The following PTPN14 variants were observed in gnomAD, a reference collection of about 807,000 sequenced individuals.
The protein encoded by PTPN14 is protein tyrosine phosphatase non-receptor type 14.
In PTPN14, 53 loss-of-function variants were observed where a neutral mutation model predicts 126.8. That is an observed-to-expected ratio of 0.42 (90% CI 0.34 to 0.53). PTPN14 has a LOEUF of 0.53. Among genes scored for constraint, PTPN14 ranks in the 20% least tolerant of loss-of-function variants. The probability of loss-of-function intolerance (pLI) is 0.08; values close to 1 mark genes in which losing one functional copy is unlikely to be tolerated. For missense variants in PTPN14, 1,257 were observed against 1,552.9 expected (o/e 0.81, Z 3.20); for synonymous variants, 630 against 599.3 (o/e 1.05, Z -0.75).
intron 3 of PTPN14, among the ~76,000 whole-genome samples, chr1:214,426,631 G>A (rs1659670456): frequency 6.6e-6 from 1 of 152,122 alleles, no homozygotes; most frequent in African/African-American, 2.4e-5. Context: ...TTGCCAAGCA[G>A]AGAACTATAA....
At chr1:214,499,565 T>C (rs753036375) in intron 1 of PTPN14, among the ~76,000 whole-genome samples, 14 of 152,214 alleles carry the variant, frequency 9.2e-5, no homozygotes, top group Admixed American at 5.9e-4. Context: ...CTTTCAGCCA[T>C]TCAAACAAAA....
At chr1:214,503,006 A>G (rs1230756740) in intron 1 of PTPN14, among the ~76,000 whole-genome samples, 1 of 152,228 alleles carries the variant, frequency 6.6e-6, no homozygotes, top group Non-Finnish European at 1.5e-5. Context: ...ACAAAAGTTG[A>G]CAAAGTATCT....
chr1:214,549,313 G>A (rs930846650), intron 1 of PTPN14, among the ~76,000 whole-genome samples: 1 of 152,136 alleles, frequency 6.6e-6, no homozygotes, highest in Admixed American at 6.5e-5. Context: ...GCTGAATCCT[G>A]GGCCATTAGT....
At chr1:214,361,538 C>G (rs1657956140) in intron 18 of PTPN14, among the ~76,000 whole-genome samples, 1 of 152,230 alleles carries the variant, frequency 6.6e-6, no homozygotes, top group African/African-American at 2.4e-5. Context: ...GCCAAGGAAG[C>G]ACAAAGCAGT....
intron 5 of PTPN14, among the ~76,000 whole-genome samples, chr1:214,406,882 G>C (rs1285661879): frequency 1.3e-5 from 2 of 152,038 alleles, no homozygotes; most frequent in Non-Finnish European, 2.9e-5. Context: ...CTTCCTAAAG[G>C]CAACGTAATA....
intron 1 of PTPN14, among the ~76,000 whole-genome samples, chr1:214,526,447 A>T (rs73079704): frequency 6.6e-6 from 1 of 152,154 alleles, no homozygotes; most frequent in Non-Finnish European, 1.5e-5. Flanking sequence ...AATATATTCA[A>T]TTGCCAATAA....
intron 17 of PTPN14, 53 bp downstream of exon 17, chr1:214,369,404 G>A: frequency 6.6e-7 from 1 of 1,517,440 alleles, no homozygotes; most frequent in Non-Finnish European, 9.1e-7. Flanking sequence ...ATGAATTATT[G>A]ACACAGATCA....
intron 8 of PTPN14, among the ~76,000 whole-genome samples, chr1:214,397,107 TAGAAAACTGTCTCA>T (rs1422894161): frequency 6.6e-6 from 1 of 152,174 alleles, no homozygotes; most frequent in African/African-American, 2.4e-5. Flanking sequence ...AGCTTTTGGT[TAGAAAACTGTCTCA>T]AAATGACCTG....
At chr1:214,442,728 C>T (rs1660060876) in intron 3 of PTPN14, among the ~76,000 whole-genome samples, 2 of 152,038 alleles carry the variant, frequency 1.3e-5, no homozygotes, top group African/African-American at 4.8e-5. Flanking sequence ...AAGTTAACTT[C>T]GGCTAAGTTA....
At chr1:214,419,049 G>A (rs149569176) in intron 3 of PTPN14, among the ~76,000 whole-genome samples, 7 of 152,096 alleles carry the variant, frequency 4.6e-5, no homozygotes, top group African/African-American at 7.2e-5. Context: ...GCAATTCATC[G>A]TCAGTATCAC....
intron 3 of PTPN14, among the ~76,000 whole-genome samples, chr1:214,433,443 G>A (rs1659838343): frequency 6.6e-6 from 1 of 151,912 alleles, no homozygotes; most frequent in Non-Finnish European, 1.5e-5. Context: ...ATAGAAAAAT[G>A]GGATATTTAA....
intron 6 of PTPN14, among the ~76,000 whole-genome samples, chr1:214,402,124 A>T (rs1034175971): frequency 4.6e-5 from 7 of 151,658 alleles, no homozygotes; most frequent in Non-Finnish European, 8.8e-5. Context: ...AAAAAAAAGG[A>T]AAAAGTTTAT....
At chr1:214,471,789 A>G (rs1481381234) in intron 1 of PTPN14, among the ~76,000 whole-genome samples, 1 of 152,210 alleles carries the variant, frequency 6.6e-6, no homozygotes, top group Non-Finnish European at 1.5e-5. Context: ...TAAAGGAGAG[A>G]ATCTTAGACT....
At chr1:214,502,461 T>C (rs966593271) in intron 1 of PTPN14, among the ~76,000 whole-genome samples, 1 of 152,196 alleles carries the variant, frequency 6.6e-6, no homozygotes, top group Admixed American at 6.5e-5. Context: ...GAAAAACATA[T>C]GCAAATAGTG....
chr1:214,376,967 C>T (rs1488007739), intron 14 of PTPN14, among the ~76,000 whole-genome samples: 3 of 152,160 alleles, frequency 2.0e-5, no homozygotes, highest in African/African-American at 7.2e-5. Context: ...AATCGAACAC[C>T]CTGGTGTTAT....
At chr1:214,358,507 C>G (rs1213535444) in intron 18 of PTPN14, among the ~76,000 whole-genome samples, 2 of 152,172 alleles carry the variant, frequency 1.3e-5, no homozygotes, top group Non-Finnish European at 2.9e-5. Flanking sequence ...ATGGTACTCT[C>G]AACTCCCCTG....
At chr1:214,533,410 G>T in intron 1 of PTPN14, 1 of 417,506 alleles carries the variant, frequency 2.4e-6, no homozygotes, top group Non-Finnish European at 4.5e-6. Context: ...ACCACCACCT[G>T]CCGCAAAGTG....
In PTPN14 at chr1:214,372,840, C is replaced by G. The variant is rs1330958985; in HGVS notation, c.2908-1G>C. 6.2e-7 allele frequency: 1 copy of G among 1,613,904 alleles called. No homozygotes were observed. The highest frequency in any genetic ancestry group is 8.5e-7 in the Non-Finnish European group (1 of 1,179,866). On this transcript the variant is annotated splice_acceptor_variant, in intron 15 of 18. Transcript: ENST00000366956. LOFTEE classifies it high-confidence loss of function. Reference sequence around the variant, plus strand: ...GCCATTCTGCCCCGCCAACCACCACCTAAAAACCAAGAAAAGTATCGGTAA... The same window carrying G: ...GCCATTCTGCCCCGCCAACCACCACGTAAAAACCAAGAAAAGTATCGGTAA...
chr1:214,426,696 C>A (rs1353385845), intron 3 of PTPN14, among the ~76,000 whole-genome samples: 2 of 152,142 alleles, frequency 1.3e-5, no homozygotes, highest in African/African-American at 2.4e-5. Flanking sequence ...AAGGCTGCTA[C>A]AAACACACTC....
Sources: allele counts gnomAD v4.1 joint callset (sites outside exome capture counted in the v4.1 genomes callset), GRCh38; gene constraint gnomAD v4.1.1; transcripts MANE v1.5; gene names NCBI Gene and HGNC (gene_info 2026-07-23, HGNC 2026-07-21).